BMPR1A: variants seen among roughly 807,000 people sequenced by gnomAD.
BMPR1A encodes the protein bone morphogenetic protein receptor type 1A.
Under a neutral mutation model 66.0 loss-of-function variants are expected in BMPR1A, and 7 were observed. The ratio of observed to expected loss-of-function variants is 0.11; its 90% CI spans 0.06 to 0.20. The LOEUF (loss-of-function observed/expected upper bound fraction) is 0.20. BMPR1A is among the 10% of genes least tolerant of loss of function. BMPR1A has a pLI of 1.00. For missense variants in BMPR1A, 408 were observed against 669.1 expected, an observed-to-expected ratio of 0.61 and a Z score of 4.31; for synonymous variants, 200 against 229.7, an observed-to-expected ratio of 0.87 and a Z score of 1.17.
intron 11 of BMPR1A, among the ~76,000 whole-genome samples, chr10:86,922,935 C>T (rs1472504682): frequency 1.3e-5 from 2 of 152,246 alleles, no homozygotes; most frequent in African/African-American, 2.4e-5. Flanking sequence ...CCAAACCTTG[C>T]AAGCCGCCTT....
Position 86,924,708 on chromosome 10 carries a change from A to T in BMPR1A, c.*989A>T, listed in dbSNP as rs1311294715. 1 of 232,870 alleles carries T rather than the reference A, an allele frequency of 4.3e-6. No individual in the cohort carries two copies. Among genetic ancestry groups the T allele is most frequent in the Admixed American group, 5.6e-5 (1 of 17,768 alleles). 14.4% of individuals were successfully genotyped at this position (232,870 alleles called of 1,614,324 possible). ...AACTTTTAAAAGGGAAGTTATTTAT[A>T]TTTTGTGTATAATGTGCTTTATTTG... On this transcript the variant is annotated 3_prime_UTR_variant, in exon 13 of 13. Transcript: ENST00000372037.
rs786202611 is a variant in BMPR1A at position 86,921,584 on chromosome 10, G to A, written c.1231G>A (p.Glu411Lys). The change falls in exon 11 of 13, where the codon GAA (glutamate) becomes AAA (lysine). Residue 411 changes from glutamate (E) to lysine (K), a missense_variant. This residue lies in a region of BMPR1A where 130 missense variants were observed against 257.3 expected (regional missense o/e 0.51). Coordinates refer to ENST00000372037, the MANE Select transcript of BMPR1A (RefSeq NM_004329.3). ...GGGCACCAAACGCTACATGGCTCCC[G>A]AAGTGCTGGACGAAAGCCTGAACAA... Reference protein sequence around the residue: ...RVGTKRYMAPEVLDESLNKNH... With the variant: ...RVGTKRYMAPKVLDESLNKNH... The A allele has an allele frequency of 6.2e-7, 1 of 1,614,000 alleles. No homozygotes were observed. Among genetic ancestry groups the A allele is most frequent in the Non-Finnish European group, 8.5e-7 (1 of 1,180,024 alleles).
At chr10:86,770,434 T>C (rs1353437758) in intron 1 of BMPR1A, among the ~76,000 whole-genome samples, 1 of 151,882 alleles carries the variant, frequency 6.6e-6, no homozygotes. Context: ...ATACAACAAA[T>C]GGAGGGTGAG....
intron 3 of BMPR1A, among the ~76,000 whole-genome samples, chr10:86,876,652 T>C (rs1842924867): frequency 6.6e-6 from 1 of 151,982 alleles, no homozygotes; most frequent in African/African-American, 2.4e-5. Flanking sequence ...GGGCCTGTAA[T>C]CCCAGCTACT....
chr10:86,847,578 G>A (rs1434317641), intron 2 of BMPR1A, among the ~76,000 whole-genome samples: 1 of 151,600 alleles, frequency 6.6e-6, no homozygotes, highest in Non-Finnish European at 1.5e-5. Context: ...GGCCAGGCAC[G>A]GTGGCTCATG....
chr10:86,857,849 G>C (rs532079228), intron 2 of BMPR1A, among the ~76,000 whole-genome samples: 1 of 151,622 alleles, frequency 6.6e-6, no homozygotes, highest in Admixed American at 6.6e-5. Flanking sequence ...ATTGAGATGG[G>C]GTCTTGCTAT....
At chr10:86,846,230 G>A (rs74153417) in intron 2 of BMPR1A, among the ~76,000 whole-genome samples, 12,450 of 152,142 alleles carry the variant, frequency 0.082, 610 homozygotes, top group African/African-American at 0.094. Flanking sequence ...GCATTTGGCA[G>A]TGGCAGTAGT....
At chr10:86,819,542 GC>G (rs1842088547) in intron 1 of BMPR1A, among the ~76,000 whole-genome samples, 1 of 152,094 alleles carries the variant, frequency 6.6e-6, no homozygotes, top group African/African-American at 2.4e-5. Context: ...CTCGTGATCC[GC>G]CCACTTCGGC....
chr10:86,855,356 C>T (rs1842626674), intron 2 of BMPR1A: 5 of 861,388 alleles, frequency 5.8e-6, no homozygotes, highest in Non-Finnish European at 8.9e-6. Flanking sequence ...TCAGGACACA[C>T]CTGCACTGAA....
intron 1 of BMPR1A, among the ~76,000 whole-genome samples, chr10:86,801,047 A>G (rs781605858): frequency 3.9e-5 from 6 of 152,248 alleles, no homozygotes; most frequent in Non-Finnish European, 7.3e-5. Flanking sequence ...TATTGTTTGC[A>G]TAGATGTTAA....
intron 7 of BMPR1A, among the ~76,000 whole-genome samples, chr10:86,907,596 T>G (rs989070891): frequency 2.0e-5 from 3 of 152,190 alleles, no homozygotes; most frequent in African/African-American, 2.4e-5. Flanking sequence ...GGTGAATGGA[T>G]AAAGAAAATG....
At chr10:86,887,652 G>C (rs543153334) in intron 3 of BMPR1A, among the ~76,000 whole-genome samples, 1 of 152,298 alleles carries the variant, frequency 6.6e-6, no homozygotes, top group African/African-American at 2.4e-5. Context: ...TATCTCAAGT[G>C]ATATTTCTGC....
intron 1 of BMPR1A, among the ~76,000 whole-genome samples, chr10:86,793,424 C>T (rs766131065): frequency 6.7e-6 from 1 of 149,518 alleles, no homozygotes; most frequent in African/African-American, 2.5e-5. Flanking sequence ...AGTGCAATGG[C>T]GTGATCTCGG....
chr10:86,857,481 C>T (rs925034700), intron 2 of BMPR1A, among the ~76,000 whole-genome samples: 1 of 152,020 alleles, frequency 6.6e-6, no homozygotes, highest in African/African-American at 2.4e-5. Flanking sequence ...ACAGTTTATC[C>T]CAAAACTTAA....
At chr10:86,869,531 A>G (rs1005612676) in intron 2 of BMPR1A, among the ~76,000 whole-genome samples, 81 of 149,724 alleles carry the variant, frequency 5.4e-4, no homozygotes, top group African/African-American at 1.7e-3. Flanking sequence ...CAGAGGCGGG[A>G]GGATCACCTG....
chr10:86,778,612 T>G (rs1349951469), intron 1 of BMPR1A, among the ~76,000 whole-genome samples: 1 of 152,148 alleles, frequency 6.6e-6, no homozygotes, highest in Non-Finnish European at 1.5e-5. Flanking sequence ...CGTTTGATAT[T>G]CTCCTTCTAG....
At chr10:86,917,917 CTGGG>C (rs1401389151) in intron 9 of BMPR1A, among the ~76,000 whole-genome samples, 15 of 152,186 alleles carry the variant, frequency 9.9e-5, no homozygotes, top group African/African-American at 3.6e-4. Context: ...TTACCACAAA[CTGGG>C]TGGCTTCAAC....
intron 3 of BMPR1A, among the ~76,000 whole-genome samples, chr10:86,878,314 A>G (rs111961930): frequency 3.9e-5 from 6 of 152,346 alleles, no homozygotes; most frequent in African/African-American, 1.4e-4. Flanking sequence ...AGTGCTTTAC[A>G]TTGAGATAAA....
chr10:86,804,790 G>GT (rs1491151530), intron 1 of BMPR1A, among the ~76,000 whole-genome samples: 13 of 97,524 alleles, frequency 1.3e-4, no homozygotes, highest in African/African-American at 3.0e-4. Context: ...ATGTTTGTAG[G>GT]TGTTTTTTTT....
Sources: gnomAD v4.1 joint callset for allele counts (sites outside exome capture counted in the v4.1 genomes callset) on GRCh38, gnomAD v4.1.1 for gene constraint, gnomAD v4.1.1 regional missense constraint, MANE v1.5 for transcripts, NCBI Gene and HGNC (gene_info 2026-07-23, HGNC 2026-07-21) for gene names.